Variants in USH2A observed in about 807,000 individuals in gnomAD.
USH2A encodes the protein Usher syndrome 2A (autosomal recessive, mild).
Under a neutral mutation model 538.9 loss-of-function variants are expected in USH2A, and 443 were observed. The ratio of observed to expected loss-of-function variants is 0.82; its 90% CI spans 0.76 to 0.89. The LOEUF (loss-of-function observed/expected upper bound fraction) is 0.89, where lower values mean the gene tolerates loss of function less well. Among genes scored for constraint, USH2A ranks in the 40% least tolerant of loss-of-function variants. The probability of loss-of-function intolerance (pLI) is 0.00; values close to 1 mark genes in which losing one functional copy is unlikely to be tolerated. For synonymous variants in USH2A, 2,413 were observed against 2,273.5 expected (o/e 1.06, Z -1.75); for missense variants, 6,633 against 6,324.8 (o/e 1.05, Z -1.65).
At chr1:215,954,977 T>A (rs1455719492) in intron 37 of USH2A, among the ~76,000 whole-genome samples, 1 of 152,182 alleles carries the variant, frequency 6.6e-6, no homozygotes, top group Non-Finnish European at 1.5e-5. Context: ...TTCTAGTTTC[T>A]GAGTTGGTGT....
intron 61 of USH2A, among the ~76,000 whole-genome samples, chr1:215,711,687 C>T (rs1399768251): frequency 2.0e-5 from 3 of 152,052 alleles, no homozygotes; most frequent in African/African-American, 4.8e-5. Context: ...ATTTGTCCTG[C>T]CTGTTTTGTA....
chr1:216,385,552 A>G (rs2038989992), intron 3 of USH2A, among the ~76,000 whole-genome samples: 1 of 152,234 alleles, frequency 6.6e-6, no homozygotes, highest in Non-Finnish European at 1.5e-5. Context: ...TAACTGCTCC[A>G]TAATCCAACT....
chr1:215,697,236 G>A (rs1439344208), intron 61 of USH2A, among the ~76,000 whole-genome samples: 1 of 151,860 alleles, frequency 6.6e-6, no homozygotes, highest in Non-Finnish European at 1.5e-5. Context: ...TAGGATTACA[G>A]GTGTGAGTCA....
chr1:216,369,865 G>C (rs1436242907), intron 3 of USH2A, among the ~76,000 whole-genome samples: 1 of 149,062 alleles, frequency 6.7e-6, no homozygotes, highest in Non-Finnish European at 1.5e-5. Context: ...AGAGGTTGCA[G>C]TGAGCCAAGA....
rs1302364971 is a variant in USH2A at position 215,790,133 on chromosome 1, A to C, written c.10108T>G (p.Cys3370Gly). Residue 3370 changes from cysteine to glycine, a missense_variant, in exon 51 of 72, where the codon TGC (cysteine) becomes GGC (glycine). Physicochemically the swap from Cys to Gly is radical, Grantham distance 159. Transcript: ENST00000307340. ...ETELIPKSQK[C>G]CNGVGYNPLK... is the part of the protein sequence containing the mutation. ...GGATTATATCCAACTCCATTACAGC[A>C]TTTCTGGCTCTTTGGAATAAGTTCA... The C allele has an allele frequency of 1.2e-6, 2 of 1,613,808 alleles. No individual in the cohort carries two copies. The highest frequency in any genetic ancestry group is 1.7e-6 in the Non-Finnish European group (2 of 1,179,974).
intron 11 of USH2A, among the ~76,000 whole-genome samples, chr1:216,275,940 G>A (rs549018466): frequency 2.0e-5 from 3 of 152,236 alleles, no homozygotes; most frequent in Admixed American, 6.5e-5. Context: ...TAAATACCCA[G>A]TTTAGCAATC....
intron 37 of USH2A, among the ~76,000 whole-genome samples, chr1:215,950,286 A>G (rs1157388898): frequency 1.3e-5 from 2 of 152,164 alleles, no homozygotes; most frequent in African/African-American, 4.8e-5. Context: ...GCACATCTAT[A>G]CTATAGTATA....
chr1:215,901,792 G>A (rs1355418522), intron 38 of USH2A, among the ~76,000 whole-genome samples: 1 of 152,110 alleles, frequency 6.6e-6, no homozygotes, highest in Non-Finnish European at 1.5e-5. Context: ...ACTCAAATGA[G>A]CCTGTCATAT....
At chr1:215,914,381 C>T (rs2102482594) in intron 38 of USH2A, among the ~76,000 whole-genome samples, 1 of 152,064 alleles carries the variant, frequency 6.6e-6, no homozygotes, top group African/African-American at 2.4e-5. Flanking sequence ...TATAATAAAA[C>T]AATTTGCATT....
chr1:216,186,059 T>C, intron 20 of USH2A, among the ~76,000 whole-genome samples: 1 of 151,680 alleles, frequency 6.6e-6, no homozygotes, highest in East Asian at 1.9e-4. Context: ...CAGATAGTTC[T>C]AACAAAATAT....
intron 36 of USH2A, among the ~76,000 whole-genome samples, chr1:215,965,890 T>C (rs6690420): frequency 0.18 from 27,453 of 150,588 alleles, 2,712 homozygotes; most frequent in African/African-American, 0.26. Context: ...GTCAAAAAGC[T>C]ACACCACATA....
At chr1:215,959,652 C>A (rs1275496477) in intron 37 of USH2A, among the ~76,000 whole-genome samples, 1 of 152,026 alleles carries the variant, frequency 6.6e-6, no homozygotes, top group Non-Finnish European at 1.5e-5. Context: ...TTCATTTACC[C>A]TCTTTTTTCC....
At chr1:216,257,944 T>G (rs760357978) in intron 11 of USH2A, among the ~76,000 whole-genome samples, 3 of 152,102 alleles carry the variant, frequency 2.0e-5, no homozygotes, top group Non-Finnish European at 4.4e-5. Context: ...ATGTAGCTTT[T>G]AAACTATGTA....
At chr1:215,733,635 G>C (rs371036081) in intron 60 of USH2A, among the ~76,000 whole-genome samples, 6 of 152,300 alleles carry the variant, frequency 3.9e-5, no homozygotes, top group East Asian at 3.9e-4. Context: ...GATACAATGT[G>C]GATATAGGTA....
intron 70 of USH2A, among the ~76,000 whole-genome samples, chr1:215,631,050 A>AAAG (rs1656267840): frequency 6.6e-6 from 1 of 152,224 alleles, no homozygotes; most frequent in African/African-American, 2.4e-5. Flanking sequence ...ATGAAATACA[A>AAAG]AAGACACTCT....
chr1:215,695,566 G>A (rs1037599900), intron 61 of USH2A, among the ~76,000 whole-genome samples: 2 of 152,122 alleles, frequency 1.3e-5, no homozygotes, highest in Admixed American at 6.5e-5. Context: ...TTCTAGTCAA[G>A]GAAATTTAGT....
intron 61 of USH2A, among the ~76,000 whole-genome samples, chr1:215,689,149 A>C (rs1280596706): frequency 1.3e-5 from 2 of 152,168 alleles, no homozygotes; most frequent in Non-Finnish European, 2.9e-5. Context: ...AGATTTGGGA[A>C]GGGAAGGAAC....
chr1:215,643,228 C>T (rs188858165), intron 67 of USH2A, among the ~76,000 whole-genome samples: 27 of 152,156 alleles, frequency 1.8e-4, no homozygotes, highest in African/African-American at 6.3e-4. Flanking sequence ...AAACTCCTGA[C>T]GTCAAGTGAT....
rs1260727538 is a variant in USH2A at position 215,624,126 on chromosome 1, A to G, written c.*1655T>C. On this transcript the variant is annotated 3_prime_UTR_variant, in exon 72 of 72. Coordinates refer to ENST00000307340, the MANE Select transcript of USH2A (RefSeq NM_206933.4). Reference sequence around the variant, plus strand: ...AGTATAAAAACTTGGCGAGAAATATATATTTCGTATTTTCTACAGTCACTG... The same window carrying G: ...AGTATAAAAACTTGGCGAGAAATATGTATTTCGTATTTTCTACAGTCACTG... 2.0e-5 allele frequency: 3 copies of G among 152,194 alleles called. No homozygotes were observed. Among genetic ancestry groups the G allele is most frequent in the African/African-American group, 7.2e-5 (3 of 41,460 alleles). 9.4% of individuals were successfully genotyped at this position (152,194 alleles called of 1,614,324 possible).
Sources: gnomAD v4.1 joint callset for allele counts (sites outside exome capture counted in the v4.1 genomes callset) on GRCh38, gnomAD v4.1.1 for gene constraint, MANE v1.5 for transcripts, NCBI Gene and HGNC (gene_info 2026-07-23, HGNC 2026-07-21) for gene names.